Variants in ROR1 observed in about 807,000 individuals in gnomAD.
The protein encoded by ROR1 is ROR family WNT receptor 1, also known as inactive tyrosine-protein kinase transmembrane receptor ROR1.
In ROR1, 19 loss-of-function variants were observed where a neutral mutation model predicts 78.8. The observed-to-expected ratio is 0.24, with a 90% CI of 0.17 to 0.35. The LOEUF (loss-of-function observed/expected upper bound fraction) is 0.35. Among genes scored for constraint, ROR1 ranks in the 10% least tolerant of loss-of-function variants. ROR1 has a pLI of 1.00. For synonymous variants in ROR1, 386 were observed against 433.6 expected (o/e 0.89, Z 1.36); for missense variants, 917 against 1,177.8 (o/e 0.78, Z 3.24).
At position 63,995,931 on chromosome 1, in the gene ROR1, T is replaced by C. The variant is rs74861481; in HGVS notation, c.92-13374T>C. ...TACAGAAATACACTCCACCTCTTCA[T>C]TGGAGGAGATACAAAAAGATGTGGA... On this transcript the variant is annotated intron_variant, in intron 1 of 8. Coordinates refer to ENST00000371079, the MANE Select transcript of ROR1 (RefSeq NM_005012.4). 4.1e-3 allele frequency among the ~76,000 whole-genome samples: 628 copies of C among 152,206 alleles called. 2 individuals are homozygous for C. Among genetic ancestry groups the C allele is most frequent in the African/African-American group, 0.012 (501 of 41,510 alleles).
Position 63,868,671 on chromosome 1 carries a change from C to T in ROR1, c.91+94163C>T, listed in dbSNP as rs189798569. ...GCTCTTATTATTTTATTATCTCTGG[C>T]GAGGTGCTGATAACCATGTGAGTTC... On this transcript the variant is annotated intron_variant, in intron 1 of 8. Transcript: ENST00000371079. 4.9e-3 allele frequency among the ~76,000 whole-genome samples: 740 copies of T among 152,260 alleles called. 5 individuals carry two copies. Among genetic ancestry groups the T allele is most frequent in the African/African-American group, 0.017 (712 of 41,558 alleles).
At chr1:63,993,618 C>T (rs1474401534) in intron 1 of ROR1, among the ~76,000 whole-genome samples, 1 of 152,172 alleles carries the variant, frequency 6.6e-6, no homozygotes, top group East Asian at 1.9e-4. Flanking sequence ...GTTGTATACA[C>T]ACTATGAGTA....
At chr1:64,048,427 C>T (rs994510527) in intron 2 of ROR1, among the ~76,000 whole-genome samples, 9 of 152,110 alleles carry the variant, frequency 5.9e-5, no homozygotes, top group African/African-American at 2.2e-4. Context: ...CAGAACATTC[C>T]CATCCCTGCC....
intron 7 of ROR1, chr1:64,142,977 C>T: frequency 9.0e-7 from 1 of 1,114,708 alleles, no homozygotes; most frequent in Non-Finnish European, 1.1e-6. Context: ...TGGTCTGCGT[C>T]CAAGTGGACC....
chr1:64,056,277 T>G (rs1646873447), intron 4 of ROR1, among the ~76,000 whole-genome samples: 1 of 152,170 alleles, frequency 6.6e-6, no homozygotes, highest in Admixed American at 6.5e-5. Flanking sequence ...GCTGCAGCAT[T>G]TTGTATTTGC....
intron 1 of ROR1, among the ~76,000 whole-genome samples, chr1:63,958,273 A>C (rs1033350258): frequency 6.6e-6 from 1 of 152,128 alleles, no homozygotes; most frequent in Non-Finnish European, 1.5e-5. Flanking sequence ...CTAGTGTACA[A>C]TCAATAGTAT....
intron 1 of ROR1, among the ~76,000 whole-genome samples, chr1:63,956,805 C>T (rs144418362): frequency 6.6e-6 from 1 of 152,292 alleles, no homozygotes; most frequent in East Asian, 1.9e-4. Context: ...CCCACTTTTC[C>T]CCTAATTCTC....
At chr1:63,815,859 G>A (rs2787665) in intron 1 of ROR1, among the ~76,000 whole-genome samples, 3,872 of 152,180 alleles carry the variant, frequency 0.025, 164 homozygotes, top group African/African-American at 0.089. Flanking sequence ...TGGGGGACCT[G>A]CCCACTTGGA....
intron 8 of ROR1, among the ~76,000 whole-genome samples, chr1:64,170,819 T>A (rs1650217225): frequency 6.6e-6 from 1 of 152,136 alleles, no homozygotes; most frequent in South Asian, 2.1e-4. Flanking sequence ...TCCACAAATC[T>A]CTAGGGCAGG....
At chr1:63,973,697 A>G (rs1479689960) in intron 1 of ROR1, among the ~76,000 whole-genome samples, 2 of 152,174 alleles carry the variant, frequency 1.3e-5, no homozygotes, top group African/African-American at 4.8e-5. Flanking sequence ...AAAAAACCCA[A>G]TCCCTGAACT....
intron 6 of ROR1, among the ~76,000 whole-genome samples, chr1:64,141,863 C>T (rs1649325984): frequency 6.6e-6 from 1 of 152,026 alleles, no homozygotes; most frequent in Non-Finnish European, 1.5e-5. Context: ...CCCCTCTGGC[C>T]ACGTGCGAGG....
chr1:64,171,471 C>T (rs1001684957), intron 8 of ROR1, among the ~76,000 whole-genome samples: 5 of 152,206 alleles, frequency 3.3e-5, no homozygotes, highest in African/African-American at 7.2e-5. Context: ...CACAGCCAAA[C>T]CATATCATGA....
At chr1:63,917,028 A>G (rs760914094) in intron 1 of ROR1, among the ~76,000 whole-genome samples, 10 of 152,032 alleles carry the variant, frequency 6.6e-5, no homozygotes, top group Non-Finnish European at 8.8e-5. Context: ...TCAGCTTTCA[A>G]TTCTTCTTTC....
intron 1 of ROR1, among the ~76,000 whole-genome samples, chr1:63,957,916 G>A (rs763931514): frequency 3.3e-5 from 5 of 151,696 alleles, no homozygotes; most frequent in African/African-American, 1.2e-4. Context: ...CTAATTTTTT[G>A]TATCTTTAGT....
chr1:64,066,287 C>T (rs1176718593), intron 4 of ROR1, among the ~76,000 whole-genome samples: 1 of 151,378 alleles, frequency 6.6e-6, no homozygotes, highest in Non-Finnish European at 1.5e-5. Context: ...CTAGAAACAT[C>T]ATACAGGGCA....
At chr1:63,866,784 A>G (rs1301578723) in intron 1 of ROR1, among the ~76,000 whole-genome samples, 4 of 152,214 alleles carry the variant, frequency 2.6e-5, no homozygotes, top group African/African-American at 9.6e-5. Flanking sequence ...GGTTTATCTC[A>G]TGAAATATCT....
chr1:64,056,599 C>T (rs566914924), intron 4 of ROR1, among the ~76,000 whole-genome samples: 355 of 151,688 alleles, frequency 2.3e-3, no homozygotes, highest in Non-Finnish European at 3.4e-3. Context: ...TCACTTGAAC[C>T]CAGGAGGCAG....
chr1:63,857,633 G>GA lies in ROR1; in HGVS notation c.91+83127dup, dbSNP rs139453794. 2.0e-3 allele frequency among the ~76,000 whole-genome samples: 306 copies of GA among 152,332 alleles called. 1 individual carries two copies. Among genetic ancestry groups the GA allele is most frequent in the African/African-American group, 7.1e-3 (296 of 41,566 alleles). On this transcript the variant is annotated intron_variant, in intron 1 of 8. Transcript: ENST00000371079. ...ATAAAAGTGTTTTCTCTGTCATGGA[G>GA]AATAAATAGCTGTGAGTCGTTGCAT...
intron 1 of ROR1, among the ~76,000 whole-genome samples, chr1:63,923,294 T>C (rs1265171274): frequency 6.6e-6 from 1 of 152,112 alleles, no homozygotes; most frequent in Non-Finnish European, 1.5e-5. Context: ...GAAAAGGTGA[T>C]TGACACTGGA....
Sources: gnomAD v4.1 joint callset for allele counts (sites outside exome capture counted in the v4.1 genomes callset) on GRCh38, gnomAD v4.1.1 for gene constraint, MANE v1.5 for transcripts, NCBI Gene and HGNC (gene_info 2026-07-23, HGNC 2026-07-21) for gene names.